PROM1: variants seen among roughly 807,000 people sequenced by gnomAD.
PROM1 encodes the protein prominin 1, also known as prominin-1.
PROM1 carries 105 observed loss-of-function variants against 116.9 expected under a neutral mutation model. The ratio of observed to expected loss-of-function variants is 0.90; its 90% CI spans 0.77 to 1.06. The LOEUF is 1.06. Among genes scored for constraint, PROM1 ranks in the 50% least tolerant of loss-of-function variants. The pLI, the probability that PROM1 is intolerant of heterozygous loss-of-function variation, is 0.00. For missense variants in PROM1, 1,122 were observed against 1,045.2 expected (o/e 1.07, Z -1.01); for synonymous variants, 393 against 387.0 (o/e 1.02, Z -0.18).
intron 1 of PROM1, chr4:16,083,777 C>A (rs1745487036): frequency 6.6e-6 from 1 of 152,338 alleles, no homozygotes; most frequent in East Asian, 1.9e-4. Context: ...TCTGGGACCA[C>A]CGCGACGGCT....
chr4:16,062,869 T>C (rs1355972749), intron 2 of PROM1, among the ~76,000 whole-genome samples: 4 of 152,240 alleles, frequency 2.6e-5, no homozygotes, highest in African/African-American at 7.2e-5. Context: ...CGTGATATAA[T>C]GTTAAGTAAA....
Position 16,018,665 on chromosome 4 carries a change from C to T in PROM1, c.785-125G>A, listed in dbSNP as rs562801837. On this transcript the variant is annotated intron_variant, in intron 8 of 27. Coordinates refer to ENST00000447510, the MANE Select transcript of PROM1 (RefSeq NM_006017.3). ...AGATGGCAGTGAGAGGGACACACTG[C>T]AAGGGGCAGTCTGAGAGGGGAATAC... is the stretch of plus-strand genomic sequence containing the variant. 1.1e-5 allele frequency: 9 copies of T among 783,892 alleles called. No homozygotes were observed. The South Asian group carries it at 1.2e-4, about 10-fold the overall frequency. 48.6% of individuals were successfully genotyped at this position (783,892 alleles called of 1,614,324 possible). A position where few individuals can be genotyped will look rare whatever the true frequency, so the allele number is the denominator to read the frequency against.
chr4:15,998,336 A>G (rs748661959), intron 15 of PROM1, 49 bp downstream of exon 15: 1 of 1,488,098 alleles, frequency 6.7e-7, no homozygotes, highest in Admixed American at 2.8e-5. Context: ...TTCTCATTCC[A>G]GAAAAAGAAC....
intron 1 of PROM1, among the ~76,000 whole-genome samples, chr4:16,076,831 G>A (rs151243050): frequency 5.9e-5 from 9 of 152,306 alleles, no homozygotes; most frequent in Non-Finnish European, 4.4e-5. Context: ...GTCCACTCAC[G>A]GTTAAATGGA....
intron 13 of PROM1, among the ~76,000 whole-genome samples, chr4:16,005,853 A>AC (rs1479452221): frequency 1.3e-5 from 2 of 152,206 alleles, no homozygotes; most frequent in Non-Finnish European, 2.9e-5. Flanking sequence ...ATCCTAGCTT[A>AC]CATTTCTGGC....
chr4:16,057,760 A>C (rs545026774), intron 2 of PROM1, among the ~76,000 whole-genome samples: 1 of 152,342 alleles, frequency 6.6e-6, no homozygotes, highest in Non-Finnish European at 1.5e-5. Flanking sequence ...GTTTACAGAG[A>C]TACATATAGA....
intron 1 of PROM1, among the ~76,000 whole-genome samples, chr4:16,079,046 C>A (rs1458075960): frequency 2.6e-5 from 4 of 151,792 alleles, no homozygotes; most frequent in Admixed American, 2.6e-4. Context: ...TCCCTTCAAA[C>A]ATCTACTGCA....
chr4:16,018,386 A>C lies in PROM1; in HGVS notation c.939T>G (p.Ser313Arg), dbSNP rs1436589458. The C allele has an allele frequency of 6.2e-7, 1 of 1,613,708 alleles. No homozygotes were observed. Among genetic ancestry groups the C allele is most frequent in the Non-Finnish European group, 8.5e-7 (1 of 1,179,884 alleles). The change falls in exon 9 of 28, where the codon AGT becomes AGG. Residue 313 changes from serine (S) to arginine (R), a missense_variant. Ser to Arg is a moderately radical substitution (Grantham distance 110). Coordinates refer to ENST00000447510, the MANE Select transcript of PROM1 (RefSeq NM_006017.3). ...ACAATCTGATGCTGTTGCAGGTTTC[A>C]CTTGATGGATGCACCAAGCACAGAG... ...NDPLCLVHPS[S>R]ETCNSIRLSL...
At chr4:15,971,413 C>T (rs1437436480) in intron 26 of PROM1, 1 of 223,048 alleles carries the variant, frequency 4.5e-6, no homozygotes, top group African/African-American at 2.2e-5. Context: ...CAGCAGTACA[C>T]ATGTCTACCA....
intron 3 of PROM1, among the ~76,000 whole-genome samples, chr4:16,037,565 T>C (rs941557589): frequency 6.6e-6 from 1 of 152,178 alleles, no homozygotes; most frequent in Non-Finnish European, 1.5e-5. Flanking sequence ...CCTTCTCCCA[T>C]GCCGGAAACA....
chr4:15,975,150 G>A (rs2148999893), intron 26 of PROM1, among the ~76,000 whole-genome samples: 1 of 152,280 alleles, frequency 6.6e-6, no homozygotes, highest in African/African-American at 2.4e-5. Flanking sequence ...AGGGTTTACA[G>A]TGGTCAAAGG....
At chr4:16,060,761 C>T (rs1002530776) in intron 2 of PROM1, among the ~76,000 whole-genome samples, 2 of 152,116 alleles carry the variant, frequency 1.3e-5, no homozygotes, top group Non-Finnish European at 2.9e-5. Context: ...CTTTTTCATC[C>T]TTTAAGTGAT....
intron 5 of PROM1, among the ~76,000 whole-genome samples, chr4:16,031,874 T>C (rs1042496566): frequency 6.6e-6 from 1 of 152,164 alleles, no homozygotes; most frequent in Non-Finnish European, 1.5e-5. Flanking sequence ...TGCCCTGGAG[T>C]AAGTGGTAAT....
At chr4:15,975,543 T>C (rs534165273) in intron 26 of PROM1, among the ~76,000 whole-genome samples, 7 of 152,114 alleles carry the variant, frequency 4.6e-5, no homozygotes, top group African/African-American at 7.2e-5. Flanking sequence ...ATTCCCTCCT[T>C]CTACAAGTGA....
At chr4:15,970,173 T>C (rs112312995) in intron 27 of PROM1, among the ~76,000 whole-genome samples, 3,270 of 150,572 alleles carry the variant, frequency 0.022, 111 homozygotes, top group African/African-American at 0.071. Flanking sequence ...CTTTTCTTTT[T>C]TTTTTTTTTT....
intron 8 of PROM1, among the ~76,000 whole-genome samples, chr4:16,020,326 G>C (rs1024810187): frequency 6.6e-6 from 1 of 152,208 alleles, no homozygotes; most frequent in South Asian, 2.1e-4. Context: ...AATATTTAAG[G>C]TTGTAATAAT....
rs1279602557 is a variant in PROM1 at position 15,989,764 on chromosome 4, G to A, written c.2044C>T (p.Gln682Ter). ...TGTTCTATAGGAAGGACTCGTTGCTGGTGAATTGTTTTAATAGTTTGTGCA... is the reference window on the plus strand; with the variant it reads ...TGTTCTATAGGAAGGACTCGTTGCTAGTGAATTGTTTTAATAGTTTGTGCA... ...RDAQTIKTIH[Q>*]QRVLPIEQSL... Residue 682 changes from glutamine to a stop codon, truncating the protein, a stop_gained, in exon 19 of 28, where the codon CAG becomes TAG. Transcript: ENST00000447510. LOFTEE classifies it high-confidence loss of function. 6.2e-7 allele frequency: 1 copy of A among 1,609,434 alleles called. No individual in the cohort carries two copies. The highest frequency in any genetic ancestry group is 8.5e-7 in the Non-Finnish European group (1 of 1,177,424).
intron 2 of PROM1, among the ~76,000 whole-genome samples, chr4:16,062,309 T>A (rs959616823): frequency 6.6e-6 from 1 of 152,194 alleles, no homozygotes; most frequent in Non-Finnish European, 1.5e-5. Context: ...TAAAGTCACA[T>A]CCTGAGGTAC....
intron 2 of PROM1, among the ~76,000 whole-genome samples, chr4:16,061,947 AG>A (rs1357881974): frequency 7.4e-6 from 1 of 135,246 alleles, no homozygotes; most frequent in Non-Finnish European, 1.5e-5. Context: ...GCTGGAGTGC[AG>A]TGGCGCGATC....
Sources: gnomAD v4.1 joint callset for allele counts (sites outside exome capture counted in the v4.1 genomes callset) on GRCh38, gnomAD v4.1.1 for gene constraint, MANE v1.5 for transcripts, NCBI Gene and HGNC (gene_info 2026-07-23, HGNC 2026-07-21) for gene names.